The following MACROD2 variants were observed in gnomAD, a reference collection of about 807,000 sequenced individuals.
MACROD2 encodes ADP-ribose glycohydrolase MACROD2.
In MACROD2, 36 loss-of-function variants were observed where a neutral mutation model predicts 70.4. That is an observed-to-expected ratio of 0.51 (90% confidence interval 0.39 to 0.68). The LOEUF (loss-of-function observed/expected upper bound fraction) is 0.68, where lower values mean the gene tolerates loss of function less well. Ranked by LOEUF, MACROD2 falls within the 30% of genes least tolerant of loss-of-function variation. MACROD2 has a pLI of 0.00. For missense variants in MACROD2, 496 were observed against 538.4 expected, an observed-to-expected ratio of 0.92 and a Z score of 0.78; for synonymous variants, 172 against 178.8, an observed-to-expected ratio of 0.96 and a Z score of 0.30.
rs187431918 is a variant in MACROD2 at position 14,124,560 on chromosome 20, G to A, written c.271+38832G>A. ...ATCCTGGAACTGAAATGTCAGATGC[G>A]TGTAGGGTATTATAACCTAACCAAC... On this transcript the variant is annotated intron_variant, in intron 3 of 17. Transcript: ENST00000684519. Among the ~76,000 whole-genome samples the A allele has an allele frequency of 8.5e-5, 13 of 152,254 alleles. No homozygotes were observed. The East Asian group carries it at 1.5e-3, about 18-fold the overall frequency.
intron 8 of MACROD2, among the ~76,000 whole-genome samples, chr20:15,857,061 A>G (rs1170576693): frequency 1.3e-5 from 2 of 152,230 alleles, no homozygotes; most frequent in African/African-American, 4.8e-5. Flanking sequence ...GCTGGAGTTA[A>G]GTCAGATAAG....
intron 8 of MACROD2, among the ~76,000 whole-genome samples, chr20:15,769,070 A>G (rs899326807): frequency 1.4e-4 from 21 of 152,260 alleles, no homozygotes; most frequent in African/African-American, 4.8e-4. Flanking sequence ...GTACAGGAGT[A>G]CACTTTAAAA....
chr20:15,368,975 A>G (rs377761281), intron 6 of MACROD2, among the ~76,000 whole-genome samples: 2 of 152,200 alleles, frequency 1.3e-5, no homozygotes, highest in East Asian at 3.8e-4. Flanking sequence ...TTATTCTGCA[A>G]TACCTGTTTG....
chr20:14,353,454 A>G (rs1232887401), intron 3 of MACROD2, among the ~76,000 whole-genome samples: 1 of 152,122 alleles, frequency 6.6e-6, no homozygotes, highest in African/African-American at 2.4e-5. Context: ...ATATACCTAG[A>G]AGTGGAATTT....
chr20:14,411,491 G>C (rs2122866708), intron 3 of MACROD2, among the ~76,000 whole-genome samples: 2 of 152,096 alleles, frequency 1.3e-5, no homozygotes, highest in Middle Eastern at 3.4e-3. Context: ...CTCCCATAAT[G>C]CTGTTGGGTA....
intron 7 of MACROD2, among the ~76,000 whole-genome samples, chr20:15,446,925 G>T (rs2046573574): frequency 6.6e-6 from 1 of 152,118 alleles, no homozygotes; most frequent in Non-Finnish European, 1.5e-5. Context: ...GTGCCTCGTG[G>T]CCAGGATAAA....
At chr20:14,232,081 T>A (rs1407100665) in intron 3 of MACROD2, among the ~76,000 whole-genome samples, 1 of 152,104 alleles carries the variant, frequency 6.6e-6, no homozygotes, top group African/African-American at 2.4e-5. Context: ...TTTTCTCCCA[T>A]TCTATAGGTT....
At chr20:14,491,190 C>T (rs976103835) in intron 3 of MACROD2, among the ~76,000 whole-genome samples, 5 of 152,110 alleles carry the variant, frequency 3.3e-5, no homozygotes, top group Admixed American at 3.3e-4. Context: ...CTACAAATAA[C>T]AATAAAGTTT....
intron 3 of MACROD2, among the ~76,000 whole-genome samples, chr20:14,351,558 A>G (rs1055911202): frequency 1.3e-5 from 2 of 152,152 alleles, no homozygotes; most frequent in Non-Finnish European, 2.9e-5. Flanking sequence ...TTGTTGGCAT[A>G]TAGAAATGCT....
intron 9 of MACROD2, among the ~76,000 whole-genome samples, chr20:15,867,164 C>A (rs1486740886): frequency 6.6e-6 from 1 of 152,118 alleles, no homozygotes; most frequent in Non-Finnish European, 1.5e-5. Flanking sequence ...ATAAGGATAC[C>A]AGTCAAATGG....
intron 5 of MACROD2, among the ~76,000 whole-genome samples, chr20:14,721,949 T>C (rs1318970201): frequency 1.3e-5 from 2 of 152,182 alleles, no homozygotes; most frequent in Non-Finnish European, 2.9e-5. Context: ...CATGACAGAC[T>C]AGAATTCTAT....
intron 5 of MACROD2, among the ~76,000 whole-genome samples, chr20:14,950,931 A>C (rs1448978319): frequency 6.6e-6 from 1 of 152,156 alleles, no homozygotes; most frequent in Non-Finnish European, 1.5e-5. Context: ...CTGGCTTTTT[A>C]TGCAAAATCA....
chr20:15,818,134 A>T (rs2063897518), intron 8 of MACROD2, among the ~76,000 whole-genome samples: 1 of 152,124 alleles, frequency 6.6e-6, no homozygotes, highest in African/African-American at 2.4e-5. Context: ...CCTAGACCCC[A>T]AGAGAGGGTT....
chr20:15,133,823 T>G (rs1330447378), intron 5 of MACROD2, among the ~76,000 whole-genome samples: 1 of 152,002 alleles, frequency 6.6e-6, no homozygotes, highest in Admixed American at 6.6e-5. Context: ...TGAAGAATTA[T>G]GAAAATCTTT....
intron 5 of MACROD2, among the ~76,000 whole-genome samples, chr20:15,121,240 A>G (rs1406211062): frequency 6.6e-6 from 1 of 152,192 alleles, no homozygotes; most frequent in African/African-American, 2.4e-5. Context: ...GGCTGGGCTC[A>G]GTGGCTCACG....
chr20:15,496,174 G>A (rs114811435), intron 7 of MACROD2, among the ~76,000 whole-genome samples: 3,335 of 152,312 alleles, frequency 0.022, 129 homozygotes, highest in African/African-American at 0.073. Flanking sequence ...TGCTTGTGAT[G>A]CTTGTGAAAG....
intron 6 of MACROD2, among the ~76,000 whole-genome samples, chr20:15,406,060 G>A (rs534281476): frequency 3.9e-5 from 6 of 152,194 alleles, no homozygotes; most frequent in African/African-American, 1.4e-4. Flanking sequence ...AGGGACTTCC[G>A]AGAGGAGAGG....
At position 15,085,876 on chromosome 20, in the gene MACROD2, ACACAC is replaced by A. The variant is rs1568565995; in HGVS notation, c.419-144063_419-144059del. On this transcript the variant is annotated intron_variant, in intron 5 of 17. Transcript: ENST00000684519. Reference sequence around the variant, plus strand: ...GATGAATAACACACACACACACAACACACACACACACACACACACACACACACACA... The same window carrying A: ...GATGAATAACACACACACACACAACAACACACACACACACACACACACACA... Among the ~76,000 whole-genome samples the A allele has an allele frequency of 1.2e-4, 6 of 50,138 alleles. No homozygotes were observed. The South Asian group carries it at 3.0e-3, about 25-fold the overall frequency. 32.9% of individuals were successfully genotyped at this position (50,138 alleles called of 152,430 possible).
intron 7 of MACROD2, among the ~76,000 whole-genome samples, chr20:15,493,716 A>G (rs1008183268): frequency 6.6e-6 from 1 of 152,244 alleles, no homozygotes; most frequent in African/African-American, 2.4e-5. Context: ...TCCCCAGCAA[A>G]GTGAAAACCA....
Sources: allele counts gnomAD v4.1 joint callset (sites outside exome capture counted in the v4.1 genomes callset), GRCh38; gene constraint gnomAD v4.1.1; transcripts MANE v1.5; gene names NCBI Gene and HGNC (gene_info 2026-07-23, HGNC 2026-07-21).